PXDNL: variants seen among roughly 807,000 people sequenced by gnomAD.
PXDNL encodes the protein probable oxidoreductase PXDNL.
Under a neutral mutation model 150.8 loss-of-function variants are expected in PXDNL, and 145 were observed. That is an observed-to-expected ratio of 0.96 (90% confidence interval 0.84 to 1.10). The LOEUF (loss-of-function observed/expected upper bound fraction) is 1.10. PXDNL is among the 50% of genes least tolerant of loss of function. The pLI is 0.00. For synonymous variants in PXDNL, 757 were observed against 725.7 expected (o/e 1.04, Z -0.69); for missense variants, 2,087 against 1,873.9 (o/e 1.11, Z -2.10).
chr8:51,608,239 A>G (rs1159881815), intron 2 of PXDNL, among the ~76,000 whole-genome samples: 2 of 147,174 alleles, frequency 1.4e-5, no homozygotes, highest in East Asian at 4.0e-4. Context: ...AATACAAAAA[A>G]TTAGCCAGGC....
At chr8:51,449,643 T>C (rs574349521) in intron 10 of PXDNL, among the ~76,000 whole-genome samples, 1 of 152,368 alleles carries the variant, frequency 6.6e-6, no homozygotes, top group East Asian at 1.9e-4. Context: ...TCAGATTTTG[T>C]ATTATTGCTT....
intron 1 of PXDNL, among the ~76,000 whole-genome samples, chr8:51,790,934 A>G (rs2037506901): frequency 6.6e-6 from 1 of 151,460 alleles, no homozygotes; most frequent in Admixed American, 6.6e-5. Context: ...TTAAAAAGAG[A>G]TCCAGAATCT....
intron 2 of PXDNL, among the ~76,000 whole-genome samples, chr8:51,634,493 T>A (rs1032973658): frequency 5.3e-5 from 8 of 152,174 alleles, no homozygotes; most frequent in Non-Finnish European, 1.2e-4. Flanking sequence ...AATTTTAGAA[T>A]AGTTTTTTAC....
At chr8:51,572,619 T>C (rs1346669199) in intron 3 of PXDNL, among the ~76,000 whole-genome samples, 1 of 151,812 alleles carries the variant, frequency 6.6e-6, no homozygotes, top group Non-Finnish European at 1.5e-5. Context: ...ATTCTAGAAA[T>C]GGATAGTGGT....
At chr8:51,802,254 G>T (rs748861295) in intron 1 of PXDNL, among the ~76,000 whole-genome samples, 3 of 151,562 alleles carry the variant, frequency 2.0e-5, no homozygotes, top group East Asian at 1.9e-4. Flanking sequence ...TTACTACTCC[G>T]ATGAAGAATC....
chr8:51,613,012 C>G (rs1814049846), intron 2 of PXDNL, among the ~76,000 whole-genome samples: 1 of 152,128 alleles, frequency 6.6e-6, no homozygotes, highest in African/African-American at 2.4e-5. Context: ...TGGGAGGTTA[C>G]TGCTGCGATG....
chr8:51,806,994 A>AG (rs2037683659), intron 1 of PXDNL, among the ~76,000 whole-genome samples: 1 of 152,246 alleles, frequency 6.6e-6, no homozygotes, highest in Non-Finnish European at 1.5e-5. Flanking sequence ...CATGATACTA[A>AG]TAGTGAAAAC....
Position 51,514,325 on chromosome 8 carries a change from G to A in PXDNL, c.381-14555C>T, listed in dbSNP as rs149135506. On this transcript the variant is annotated intron_variant, in intron 4 of 22. Transcript: ENST00000356297. Reference sequence around the variant, plus strand: ...AAAAAAGACTATATTGTTTCAGTCAGCAAACATATTTCCAAATTGCAATCC... The same window carrying A: ...AAAAAAGACTATATTGTTTCAGTCAACAAACATATTTCCAAATTGCAATCC... 5.6e-3 allele frequency among the ~76,000 whole-genome samples: 854 copies of A among 152,272 alleles called. 12 individuals carry two copies. Among genetic ancestry groups the A allele is most frequent in the Non-Finnish European group, 9.3e-3 (633 of 68,018 alleles).
intron 2 of PXDNL, among the ~76,000 whole-genome samples, chr8:51,608,054 A>AAAGCAAGAAAGCAAGCAAGC (rs1813894647): frequency 9.0e-6 from 1 of 111,596 alleles, no homozygotes; most frequent in Non-Finnish European, 1.8e-5. Flanking sequence ...AGAAAGAAAG[A>AAAGCAAGAAAGCAAGCAAGC]AAGCAAGCAA....
At chr8:51,755,736 G>C (rs1394770197) in intron 1 of PXDNL, among the ~76,000 whole-genome samples, 5 of 152,116 alleles carry the variant, frequency 3.3e-5, no homozygotes, top group Non-Finnish European at 1.5e-5. Flanking sequence ...CACTAATTGT[G>C]TGTTCACAGT....
At chr8:51,699,270 G>T (rs1816203118) in intron 1 of PXDNL, among the ~76,000 whole-genome samples, 1 of 152,134 alleles carries the variant, frequency 6.6e-6, no homozygotes, top group Admixed American at 6.6e-5. Flanking sequence ...ATCTTAGCTG[G>T]ATCTTCTGGA....
rs531847893 is a variant in PXDNL, at chr8:51,498,081, C to A, written c.452+1618G>T. The stretch of plus-strand genomic sequence containing the variant: ...ATTAAGAAAATATGGCACATATACA[C>A]CATGGAATACTATGCAGCCATAAAA... On this transcript the variant is annotated intron_variant, in intron 5 of 22. Coordinates refer to ENST00000356297, the MANE Select transcript of PXDNL (RefSeq NM_144651.5). Among the ~76,000 whole-genome samples the A allele has an allele frequency of 4.6e-5, 7 of 152,108 alleles. No homozygotes were observed. In the South Asian group the frequency reaches 1.0e-3, roughly 23 times the overall value.
chr8:51,363,477 G>A (rs1473423232), intron 19 of PXDNL, among the ~76,000 whole-genome samples: 1 of 152,134 alleles, frequency 6.6e-6, no homozygotes, highest in Non-Finnish European at 1.5e-5. Flanking sequence ...CCACGTGAGA[G>A]GGTAGTGATT....
intron 19 of PXDNL, among the ~76,000 whole-genome samples, chr8:51,364,201 A>C (rs1177173816): frequency 1.1e-4 from 16 of 152,204 alleles, no homozygotes; most frequent in African/African-American, 3.6e-4. Context: ...TTACATGGTG[A>C]TCTGACTGAG....
At chr8:51,675,792 CAAAA>C (rs71550280) in intron 1 of PXDNL, among the ~76,000 whole-genome samples, 1 of 93,248 alleles carries the variant, frequency 1.1e-5, no homozygotes, top group African/African-American at 4.4e-5. Context: ...GGCTCCGTCT[CAAAA>C]AAAAAAAAAA....
intron 4 of PXDNL, among the ~76,000 whole-genome samples, chr8:51,546,289 T>C (rs1812360443): frequency 6.6e-6 from 1 of 152,116 alleles, no homozygotes; most frequent in African/African-American, 2.4e-5. Flanking sequence ...ATACCTGAAA[T>C]GGATTTAAGG....
chr8:51,370,648 G>A (rs890322455), intron 19 of PXDNL, among the ~76,000 whole-genome samples: 9 of 152,218 alleles, frequency 5.9e-5, no homozygotes, highest in African/African-American at 2.2e-4. Flanking sequence ...CCAGGCTGGA[G>A]TGCAATGGCA....
At chr8:51,792,404 C>T (rs1215216286) in intron 1 of PXDNL, among the ~76,000 whole-genome samples, 1 of 152,186 alleles carries the variant, frequency 6.6e-6, no homozygotes, top group Non-Finnish European at 1.5e-5. Flanking sequence ...CACGCTTTTT[C>T]CACTGATCTA....
At chr8:51,508,106 G>A (rs1413910233) in intron 4 of PXDNL, among the ~76,000 whole-genome samples, 1 of 152,194 alleles carries the variant, frequency 6.6e-6, no homozygotes, top group African/African-American at 2.4e-5. Flanking sequence ...AATGGTACTC[G>A]ATGGCACCAA....
Sources: allele counts gnomAD v4.1 joint callset (sites outside exome capture counted in the v4.1 genomes callset), GRCh38; gene constraint gnomAD v4.1.1; transcripts MANE v1.5; gene names NCBI Gene and HGNC (gene_info 2026-07-23, HGNC 2026-07-21).